Variants in SPATA6L observed in about 807,000 individuals in gnomAD.
SPATA6L encodes spermatogenesis associated 6-like protein.
SPATA6L carries 68 observed loss-of-function variants against 49.2 expected under a neutral mutation model. The observed-to-expected ratio is 1.38, with a 90% CI of 1.14 to 1.69. The LOEUF (loss-of-function observed/expected upper bound fraction) is 1.69. Ranked by LOEUF, SPATA6L falls within the 40% of genes most tolerant of loss-of-function variation. The pLI, the probability that SPATA6L is intolerant of heterozygous loss-of-function variation, is 0.00. For synonymous variants in SPATA6L, 198 were observed against 165.7 expected (o/e 1.19, Z -1.50); for missense variants, 668 against 464.3 (o/e 1.44, Z -4.03).
At chr9:4,593,289 CTG>C (rs1473725093) in intron 13 of SPATA6L, among the ~76,000 whole-genome samples, 1 of 152,136 alleles carries the variant, frequency 6.6e-6, no homozygotes, top group African/African-American at 2.4e-5. Context: ...CTTCAAATTG[CTG>C]TTTGTTTTCC....
At chr9:4,629,769 G>GTGTATATATATATATATATA (rs1311805859) in intron 4 of SPATA6L, among the ~76,000 whole-genome samples, 45 of 101,896 alleles carry the variant, frequency 4.4e-4, no homozygotes, top group Middle Eastern at 5.5e-3. Flanking sequence ...GTGTGTGTGT[G>GTGTATATATATATATATATA]TATATATATA....
chr9:4,617,898 A>T, intron 9 of SPATA6L, 25 bp downstream of exon 9: 1 of 1,563,100 alleles, frequency 6.4e-7, no homozygotes, highest in Non-Finnish European at 8.7e-7. Flanking sequence ...CTCGTCAGGC[A>T]AACAGATGGG....
At chr9:4,661,810 T>C in intron 2 of SPATA6L, 89 bp downstream of exon 2, 1 of 1,461,452 alleles carries the variant, frequency 6.8e-7, no homozygotes. Context: ...AAATGAAATT[T>C]ACCAAATAAT....
intron 3 of SPATA6L, among the ~76,000 whole-genome samples, chr9:4,643,260 C>A (rs1041199597): frequency 6.6e-6 from 1 of 152,198 alleles, no homozygotes; most frequent in Non-Finnish European, 1.5e-5. Flanking sequence ...CCCACCTTGG[C>A]CTCCCCAAGT....
intron 7 of SPATA6L, 87 bp downstream of exon 7, chr9:4,622,321 C>A: frequency 1.2e-6 from 1 of 812,644 alleles, no homozygotes; most frequent in Non-Finnish European, 2.1e-6. Context: ...CTGAACATCA[C>A]CTGTGATTCC....
chr9:4,661,271 C>T (rs1040221695), intron 2 of SPATA6L, among the ~76,000 whole-genome samples: 8 of 152,074 alleles, frequency 5.3e-5, no homozygotes, highest in African/African-American at 1.9e-4. Flanking sequence ...AATTCCAAAA[C>T]AAAAATGTTA....
intron 11 of SPATA6L, 83 bp downstream of exon 11, chr9:4,604,096 T>G (rs1303050447): frequency 2.3e-6 from 2 of 880,762 alleles, no homozygotes; most frequent in African/African-American, 3.4e-5. Flanking sequence ...AGTTACTTCA[T>G]ATTGATAGGA....
At chr9:4,615,335 G>T (rs1260312707) in intron 9 of SPATA6L, among the ~76,000 whole-genome samples, 1 of 152,146 alleles carries the variant, frequency 6.6e-6, no homozygotes, top group East Asian at 1.9e-4. Context: ...TGTCTTAAAT[G>T]TTAGTGTTCC....
chr9:4,613,447 C>T (rs1463876861), intron 9 of SPATA6L, among the ~76,000 whole-genome samples: 1 of 151,944 alleles, frequency 6.6e-6, no homozygotes, highest in Non-Finnish European at 1.5e-5. Flanking sequence ...CTGGTTTTTC[C>T]AGGGAGATAA....
chr9:4,631,020 A>C (rs1271952693), intron 4 of SPATA6L, among the ~76,000 whole-genome samples: 1 of 152,212 alleles, frequency 6.6e-6, no homozygotes, highest in Non-Finnish European at 1.5e-5. Flanking sequence ...TTCCTGATCG[A>C]CTTTGCCCAG....
chr9:4,650,948 C>T (rs1361245407), intron 3 of SPATA6L, among the ~76,000 whole-genome samples: 2 of 152,000 alleles, frequency 1.3e-5, no homozygotes, highest in Non-Finnish European at 2.9e-5. Context: ...GTGATCTGCT[C>T]GCCTTGGCCT....
intron 3 of SPATA6L, among the ~76,000 whole-genome samples, chr9:4,653,823 G>C (rs1451433186): frequency 6.6e-6 from 1 of 152,168 alleles, no homozygotes; most frequent in African/African-American, 2.4e-5. Flanking sequence ...TATAGTCCCA[G>C]CTACTTCAGA....
At chr9:4,613,487 T>C (rs1320583735) in intron 9 of SPATA6L, among the ~76,000 whole-genome samples, 1 of 151,910 alleles carries the variant, frequency 6.6e-6, no homozygotes, top group Non-Finnish European at 1.5e-5. Flanking sequence ...TCTACACAAA[T>C]CCATTGCCAA....
At chr9:4,611,685 T>C (rs1826772753) in intron 9 of SPATA6L, among the ~76,000 whole-genome samples, 1 of 148,020 alleles carries the variant, frequency 6.8e-6, no homozygotes, top group African/African-American at 2.5e-5. Context: ...CAGTGGGAGA[T>C]ACACCTAATG....
At position 4,644,183 on chromosome 9, in the gene SPATA6L, C is replaced by CA. The variant is rs58325546; in HGVS notation, c.227-8785dup. Among the ~76,000 whole-genome samples the CA allele has an allele frequency of 7.9e-3, 363 of 45,706 alleles. 66 individuals carry two copies. Among genetic ancestry groups the CA allele is most frequent in the Non-Finnish European group, 9.7e-3 (212 of 21,896 alleles). 30.0% of individuals were successfully genotyped at this position (45,706 alleles called of 152,430 possible). On this transcript the variant is annotated intron_variant, in intron 3 of 11. Transcript: ENST00000682582. ...GCAACATAGTAAGATGCCATCTCTG[C>CA]AAAAAAAAAAAAAAAAAAAAAAAAA...
intron 9 of SPATA6L, among the ~76,000 whole-genome samples, chr9:4,615,921 T>C (rs1326612512): frequency 1.3e-5 from 2 of 152,136 alleles, no homozygotes; most frequent in African/African-American, 4.8e-5. Flanking sequence ...GAGAAGCACT[T>C]TGTGGCTGTA....
At chr9:4,625,208 T>C in intron 6 of SPATA6L, 119 bp downstream of exon 6, 5 of 1,430,492 alleles carry the variant, frequency 3.5e-6, no homozygotes, top group Non-Finnish European at 4.6e-6. Flanking sequence ...ATTATTCAAT[T>C]TGAAGTACCT....
In SPATA6L at chr9:4,598,986, T is replaced by G. The variant is rs371317845; in HGVS notation, c.*1825A>C. 1.5e-4 allele frequency among the ~76,000 whole-genome samples: 23 copies of G among 152,276 alleles called. No homozygotes were observed. Among genetic ancestry groups the G allele is most frequent in the East Asian group, 9.6e-4 (5 of 5,208 alleles). On this transcript the variant is annotated 3_prime_UTR_variant, in exon 12 of 12. Coordinates refer to ENST00000682582, the MANE Select transcript of SPATA6L (RefSeq NM_001353486.2). ...TATTTTAAACTTGGGTTTTGGTTTTTGTTTTTGTATTTTGGAATATTTACA... is the reference window on the plus strand; with the variant it reads ...TATTTTAAACTTGGGTTTTGGTTTTGGTTTTTGTATTTTGGAATATTTACA...
At chr9:4,650,088 A>G (rs550528902) in intron 3 of SPATA6L, among the ~76,000 whole-genome samples, 110 of 152,340 alleles carry the variant, frequency 7.2e-4, no homozygotes, top group Admixed American at 1.2e-3. Flanking sequence ...TGTTGGCTTC[A>G]TGAGACACAT....
Sources: allele counts gnomAD v4.1 joint callset (sites outside exome capture counted in the v4.1 genomes callset), GRCh38; gene constraint gnomAD v4.1.1; transcripts MANE v1.5; gene names NCBI Gene and HGNC (gene_info 2026-07-23, HGNC 2026-07-21).